Variants in PATL2 observed in about 807,000 individuals in gnomAD.
The protein encoded by PATL2 is PAT1 homolog 2, also known as protein PAT1 homolog 2.
In PATL2, 73 loss-of-function variants were observed where a neutral mutation model predicts 77.0. That is an observed-to-expected ratio of 0.95 (90% CI 0.78 to 1.15). The LOEUF (loss-of-function observed/expected upper bound fraction) is 1.15, where lower values mean the gene tolerates loss of function less well. PATL2 is among the 50% of genes most tolerant of loss of function. PATL2 has a pLI of 0.00. For missense variants in PATL2, 618 were observed against 655.4 expected (o/e 0.94, Z 0.62); for synonymous variants, 265 against 257.1 (o/e 1.03, Z -0.29).
In PATL2 at chr15:44,669,439, A is replaced by G. The variant is rs552196853; in HGVS notation, c.931-26T>C. 6 of 1,548,562 alleles carry G rather than the reference A, an allele frequency of 3.9e-6. No individual in the cohort carries two copies. The African/African-American group carries it at 6.8e-5, about 18-fold the overall frequency. On this transcript the variant is annotated intron_variant, in intron 12 of 17. Transcript: ENST00000682850. ...CTGGGAATTTGAGGGTGGAAAAAAG[A>G]GGTAAATTTGGGTAATATCTCATTC...
At chr15:44,708,785 T>C (rs1412763167) in intron 3 of PATL2, among the ~76,000 whole-genome samples, 1 of 152,240 alleles carries the variant, frequency 6.6e-6, no homozygotes, top group Non-Finnish European at 1.5e-5. Context: ...AATGTCCAAG[T>C]CTTTGTATAG....
At chr15:44,704,441 T>C (rs1818995455) in intron 3 of PATL2, among the ~76,000 whole-genome samples, 2 of 152,176 alleles carry the variant, frequency 1.3e-5, no homozygotes, top group Admixed American at 1.3e-4. Flanking sequence ...CAATGAAAAC[T>C]TACCACTGAT....
intron 3 of PATL2, among the ~76,000 whole-genome samples, chr15:44,700,294 T>A (rs1275123746): frequency 6.6e-6 from 1 of 152,076 alleles, no homozygotes. Flanking sequence ...TTGATTTTCT[T>A]TTTATTTTCT....
At chr15:44,706,780 C>T (rs2086746112) in intron 3 of PATL2, among the ~76,000 whole-genome samples, 1 of 152,194 alleles carries the variant, frequency 6.6e-6, no homozygotes. Context: ...CACTCAAGGC[C>T]CTATGGCTCT....
Position 44,665,932 on chromosome 15 carries a change from A to C in PATL2, c.*21T>G. ...TCTGATGATTCAACTTCCCACATAC[A>C]CGTATTCCAGAACAAACAGATCAGT... On this transcript the variant is annotated 3_prime_UTR_variant, in exon 18 of 18. Coordinates refer to ENST00000682850, the MANE Select transcript of PATL2 (RefSeq NM_001387263.1). 6.5e-7 allele frequency: 1 copy of C among 1,549,720 alleles called. No individual in the cohort carries two copies. The highest frequency in any genetic ancestry group is 8.7e-7 in the Non-Finnish European group (1 of 1,146,456).
intron 3 of PATL2, among the ~76,000 whole-genome samples, chr15:44,704,837 T>C (rs778453248): frequency 3.9e-5 from 6 of 152,176 alleles, no homozygotes; most frequent in Non-Finnish European, 5.9e-5. Flanking sequence ...TCTAGGAAAG[T>C]CTTTATTTCT....
intron 3 of PATL2, among the ~76,000 whole-genome samples, chr15:44,681,421 G>C (rs924782094): frequency 6.6e-6 from 1 of 152,102 alleles, no homozygotes; most frequent in African/African-American, 2.4e-5. Flanking sequence ...TTGGATCTCT[G>C]TGCTCCCACA....
intron 3 of PATL2, among the ~76,000 whole-genome samples, chr15:44,695,837 T>C (rs2086492198): frequency 6.6e-6 from 1 of 152,220 alleles, no homozygotes; most frequent in South Asian, 2.1e-4. Context: ...AACTTCTGAT[T>C]CTTTACCAAA....
At chr15:44,672,644 C>T (rs1595964486) in intron 7 of PATL2, among the ~76,000 whole-genome samples, 188 bp from the exon 8 acceptor site, 1 of 152,224 alleles carries the variant, frequency 6.6e-6, no homozygotes, top group Admixed American at 6.5e-5. Context: ...CCTCCAACAT[C>T]TATTTTCCTG....
chr15:44,669,910 C>A (rs760984909), intron 10 of PATL2, 36 bp from the exon 11 acceptor site: 3 of 1,551,064 alleles, frequency 1.9e-6, no homozygotes, highest in Admixed American at 3.9e-5. Flanking sequence ...CTTCCCCCTC[C>A]CACACTCTGT....
chr15:44,668,242 A>G, intron 15 of PATL2, 100 bp downstream of exon 15: 3 of 1,351,586 alleles, frequency 2.2e-6, no homozygotes, highest in Non-Finnish European at 3.0e-6. Context: ...ACTGCAGAGG[A>G]TAAGATTTGT....
At position 44,669,372 on chromosome 15, in the gene PATL2, A is replaced by G; in HGVS notation, c.972T>C (p.Tyr324=). The change falls in exon 13 of 18, where the codon TAT becomes TAC. Residue 324 remains tyrosine (Y), a synonymous_variant. Coordinates refer to ENST00000682850, the MANE Select transcript of PATL2 (RefSeq NM_001387263.1). The part of the protein sequence containing the change: ...QLLEIEEGWK[Y]RPPPPCFSEQ... Reference sequence around the variant, plus strand: ...CAGAAAAGCAGGGCGGTGGAGGCCTATACTTCCAGCCTTCCTCTATTTCTA... The same window carrying G: ...CAGAAAAGCAGGGCGGTGGAGGCCTGTACTTCCAGCCTTCCTCTATTTCTA... 3 of 1,551,598 alleles carry G rather than the reference A, an allele frequency of 1.9e-6. No individual in the cohort carries two copies. The highest frequency in any genetic ancestry group is 2.6e-6 in the Non-Finnish European group (3 of 1,146,920).
chr15:44,697,422 G>T (rs1304173424), intron 3 of PATL2: 1 of 152,290 alleles, frequency 6.6e-6, no homozygotes, highest in Non-Finnish European at 1.5e-5. Context: ...CACTGTACTT[G>T]AACCAACCTT....
intron 3 of PATL2, among the ~76,000 whole-genome samples, chr15:44,688,967 C>T (rs1238536705): frequency 2.0e-5 from 3 of 152,152 alleles, no homozygotes; most frequent in Non-Finnish European, 4.4e-5. Flanking sequence ...ATCCATCTGA[C>T]AAAGGGCTAA....
chr15:44,666,444 A>G lies in PATL2; in HGVS notation c.1561T>C (p.Phe521Leu), dbSNP rs984969903. Residue 521 changes from phenylalanine (F) to leucine (L), a missense_variant, in exon 17 of 18, where the codon TTC (phenylalanine) becomes CTC (leucine). Phe to Leu is a conservative substitution (Grantham distance 22). Transcript: ENST00000682850. ...AATTGTTTGTCCACGTGGTGACAGA[A>G]CAGGGGAAGTAGGTTGCTGGGGAAA... ...LAFPSNLLPL[F>L]CHHVDKQLVQ... 9.7e-6 allele frequency: 15 copies of G among 1,551,600 alleles called. No homozygotes were observed. Among genetic ancestry groups the G allele is most frequent in the Non-Finnish European group, 1.3e-5 (15 of 1,147,006 alleles).
At position 44,669,000 on chromosome 15, in the gene PATL2, G is replaced by A. The variant is rs994341629; in HGVS notation, c.1204C>T (p.Arg402Trp). 9.7e-6 allele frequency: 15 copies of A among 1,548,438 alleles called. No individual in the cohort carries two copies. Among genetic ancestry groups the A allele is most frequent in the Admixed American group, 3.9e-5 (2 of 50,654 alleles). The stretch of plus-strand genomic sequence containing the variant: ...AGTACCTGATCAGCCACATCCCTCC[G>A]GACCAGGAGGGGCAGATGGTGGGTG... ...AITHHLPLLV[R>W]RDVADQALQM... The change falls in exon 14 of 18, where the codon CGG (arginine) becomes TGG (tryptophan). Residue 402 changes from arginine to tryptophan, a missense_variant. By Grantham distance (101) the Arg-to-Trp change is moderately radical (BLOSUM62 -3). Transcript: ENST00000682850.
At chr15:44,675,197 G>A in intron 5 of PATL2, 1 of 367,658 alleles carries the variant, frequency 2.7e-6, no homozygotes, top group Non-Finnish European at 4.9e-6. Context: ...CCCAGGATCA[G>A]GCAAACGTGA....
intron 16 of PATL2, 133 bp from the exon 17 acceptor site, chr15:44,666,674 T>G (rs1423012241): frequency 3.3e-6 from 3 of 905,222 alleles, no homozygotes; most frequent in Non-Finnish European, 4.8e-6. Context: ...GAGGTAACAT[T>G]TGCATGTTTG....
At chr15:44,707,929 C>T (rs1316323157) in intron 3 of PATL2, among the ~76,000 whole-genome samples, 1 of 152,200 alleles carries the variant, frequency 6.6e-6, no homozygotes, top group Non-Finnish European at 1.5e-5. Context: ...GGTGATTTGC[C>T]TCTAGCTAGG....
Sources: gnomAD v4.1 joint callset for allele counts (sites outside exome capture counted in the v4.1 genomes callset) on GRCh38, gnomAD v4.1.1 for gene constraint, MANE v1.5 for transcripts, NCBI Gene and HGNC (gene_info 2026-07-23, HGNC 2026-07-21) for gene names.